The following UNC5C variants were observed in gnomAD, a reference collection of about 807,000 sequenced individuals.
The protein encoded by UNC5C is netrin receptor UNC5C.
In UNC5C, 47 loss-of-function variants were observed where a neutral mutation model predicts 99.8. The ratio of observed to expected loss-of-function variants is 0.47; its 90% CI spans 0.37 to 0.60. The LOEUF is 0.60. Among genes scored for constraint, UNC5C ranks in the 20% least tolerant of loss-of-function variants. The pLI, the probability that UNC5C is intolerant of heterozygous loss-of-function variation, is 0.00. For missense variants in UNC5C, 1,062 were observed against 1,165.9 expected (o/e 0.91, Z 1.30); for synonymous variants, 487 against 452.2 (o/e 1.08, Z -0.98).
At chr4:95,512,958 A>T (rs1722117599) in intron 1 of UNC5C, among the ~76,000 whole-genome samples, 1 of 152,218 alleles carries the variant, frequency 6.6e-6, no homozygotes, top group African/African-American at 2.4e-5. Context: ...TACATTACAG[A>T]TGCTCTGCAT....
chr4:95,413,421 A>G (rs1018984136), intron 1 of UNC5C, among the ~76,000 whole-genome samples: 1 of 152,204 alleles, frequency 6.6e-6, no homozygotes, highest in Non-Finnish European at 1.5e-5. Context: ...AATCTCCTAC[A>G]GAAGGCCAAA....
rs1228959244 is a variant in UNC5C, at chr4:95,163,451, G to T, written c.*5783C>A. Reference sequence around the variant, plus strand: ...AAGAGAGCCCATCAATCCTTAGGCTGCTGATCAGCAAAACCTGCCTACAAT... The same window carrying T: ...AAGAGAGCCCATCAATCCTTAGGCTTCTGATCAGCAAAACCTGCCTACAAT... On this transcript the variant is annotated 3_prime_UTR_variant, in exon 16 of 16. Transcript: ENST00000453304. The T allele has an allele frequency of 1.3e-5, 2 of 152,184 alleles. No individual in the cohort carries two copies. Among genetic ancestry groups the T allele is most frequent in the Non-Finnish European group, 2.9e-5 (2 of 68,044 alleles). 9.4% of individuals were successfully genotyped at this position (152,184 alleles called of 1,614,324 possible). A position where few individuals can be genotyped will look rare whatever the true frequency, so the allele number is the denominator to read the frequency against.
chr4:95,367,875 A>T (rs1744621595), intron 1 of UNC5C, among the ~76,000 whole-genome samples: 1 of 152,228 alleles, frequency 6.6e-6, no homozygotes. Context: ...ATCTAAGAAC[A>T]TTATAGATCA....
intron 12 of UNC5C, among the ~76,000 whole-genome samples, chr4:95,199,547 T>G: frequency 6.6e-6 from 1 of 152,210 alleles, no homozygotes; most frequent in Admixed American, 6.5e-5. Flanking sequence ...TTTTGCTGCT[T>G]AAACCTGTTC....
At chr4:95,344,277 GA>G (rs1244363547) in intron 1 of UNC5C, among the ~76,000 whole-genome samples, 1 of 152,044 alleles carries the variant, frequency 6.6e-6, no homozygotes, top group Non-Finnish European at 1.5e-5. Context: ...GGCCAGGATA[GA>G]GTGGCCTGCC....
chr4:95,344,330 A>G (rs1236651475), intron 1 of UNC5C, among the ~76,000 whole-genome samples: 2 of 152,166 alleles, frequency 1.3e-5, no homozygotes, highest in Non-Finnish European at 1.5e-5. Context: ...CTTTTCCTAG[A>G]ATAGTATATC....
At chr4:95,174,962 T>A (rs1343058962) in intron 14 of UNC5C, among the ~76,000 whole-genome samples, 1 of 151,372 alleles carries the variant, frequency 6.6e-6, no homozygotes, top group East Asian at 1.9e-4. Flanking sequence ...GATAGTTAAC[T>A]CTTCTTGTTG....
chr4:95,502,540 T>C (rs1043650874), intron 1 of UNC5C, among the ~76,000 whole-genome samples: 8 of 152,090 alleles, frequency 5.3e-5, no homozygotes, highest in African/African-American at 1.9e-4. Context: ...CCCAAAGTGT[T>C]GAGATTATAG....
chr4:95,395,305 T>C (rs889503641), intron 1 of UNC5C, among the ~76,000 whole-genome samples: 1 of 152,164 alleles, frequency 6.6e-6, no homozygotes, highest in African/African-American at 2.4e-5. Flanking sequence ...AGTTGTATGG[T>C]CAAAATGCTG....
chr4:95,429,617 C>T (rs1746579477), intron 1 of UNC5C, among the ~76,000 whole-genome samples: 1 of 152,102 alleles, frequency 6.6e-6, no homozygotes, highest in Non-Finnish European at 1.5e-5. Context: ...TGTTTGTATA[C>T]TGACACGAAT....
At chr4:95,376,942 C>T (rs1744913277) in intron 1 of UNC5C, among the ~76,000 whole-genome samples, 1 of 152,166 alleles carries the variant, frequency 6.6e-6, no homozygotes, top group African/African-American at 2.4e-5. Context: ...GGTTGTCTGC[C>T]TTTTTGCTGT....
intron 4 of UNC5C, among the ~76,000 whole-genome samples, chr4:95,273,078 C>G (rs1205467804): frequency 6.6e-6 from 1 of 152,222 alleles, no homozygotes; most frequent in Admixed American, 6.5e-5. Flanking sequence ...TTTATCACGA[C>G]TATACTCAGT....
At chr4:95,344,238 G>A (rs941023904) in intron 1 of UNC5C, among the ~76,000 whole-genome samples, 3 of 152,038 alleles carry the variant, frequency 2.0e-5, no homozygotes, top group Non-Finnish European at 4.4e-5. Flanking sequence ...AGTACACCTG[G>A]CAGCAGACTT....
At position 95,353,734 on chromosome 4, in the gene UNC5C, C is replaced by T. The variant is rs574099927; in HGVS notation, c.125-18103G>A. Among the ~76,000 whole-genome samples the T allele has an allele frequency of 5.9e-4, 89 of 151,980 alleles. 4 individuals are homozygous for T. The South Asian group carries it at 0.012, about 21-fold the overall frequency. ...AAAAGAAAACTTAGTTGATGTGGTA[C>T]AATGTTTATCATTAAAATTATTGTG... On this transcript the variant is annotated intron_variant, in intron 1 of 15. Coordinates refer to ENST00000453304, the MANE Select transcript of UNC5C (RefSeq NM_003728.4).
intron 1 of UNC5C, among the ~76,000 whole-genome samples, chr4:95,425,469 T>C (rs192846668): frequency 0.022 from 3,293 of 152,222 alleles, 71 homozygotes; most frequent in Non-Finnish European, 0.032. Flanking sequence ...CTACAGGCGC[T>C]CGCCACCACG....
intron 4 of UNC5C, among the ~76,000 whole-genome samples, chr4:95,272,240 C>T (rs1740689948): frequency 6.6e-6 from 1 of 152,122 alleles, no homozygotes; most frequent in Non-Finnish European, 1.5e-5. Context: ...TTCCTACAAC[C>T]AGAAAAATGT....
chr4:95,345,146 A>G (rs967280437), intron 1 of UNC5C, among the ~76,000 whole-genome samples: 2 of 152,036 alleles, frequency 1.3e-5, no homozygotes, highest in Admixed American at 6.6e-5. Context: ...CATAGACTGA[A>G]AATAAAGGAA....
intron 1 of UNC5C, among the ~76,000 whole-genome samples, chr4:95,450,979 A>C (rs1214023913): frequency 6.6e-6 from 1 of 152,250 alleles, no homozygotes; most frequent in Non-Finnish European, 1.5e-5. Flanking sequence ...TTGTTAGCAC[A>C]TAAATCTTCA....
At chr4:95,466,299 G>A (rs1184195918) in intron 1 of UNC5C, among the ~76,000 whole-genome samples, 3 of 152,094 alleles carry the variant, frequency 2.0e-5, no homozygotes, top group Non-Finnish European at 2.9e-5. Flanking sequence ...AAAAATCCTG[G>A]CCGTTGCGGA....
Sources: allele counts gnomAD v4.1 joint callset (sites outside exome capture counted in the v4.1 genomes callset), GRCh38; gene constraint gnomAD v4.1.1; transcripts MANE v1.5; gene names NCBI Gene and HGNC (gene_info 2026-07-23, HGNC 2026-07-21).